Variants in SLC22A25 observed in about 807,000 individuals in gnomAD.
SLC22A25 encodes the protein MGI:2442751, MGI:2385316, MGI:3042283, MGI:3645714, MGI:3605624, MGI:2442750.
In SLC22A25, 44 loss-of-function variants were observed where a neutral mutation model predicts 45.9. The ratio of observed to expected loss-of-function variants is 0.96; its 90% confidence interval spans 0.75 to 1.23. The LOEUF (loss-of-function observed/expected upper bound fraction) is 1.23. SLC22A25 is among the 50% of genes most tolerant of loss of function. The pLI is 0.00. For synonymous variants in SLC22A25, 283 were observed against 238.6 expected (o/e 1.19, Z -1.72); for missense variants, 800 against 666.4 (o/e 1.20, Z -2.21).
chr11:63,237,272 C>G (rs2090180967), intron 3 of SLC22A25, among the ~76,000 whole-genome samples: 2 of 151,960 alleles, frequency 1.3e-5, no homozygotes, highest in South Asian at 4.2e-4. Flanking sequence ...TATAATATAC[C>G]CATAACAAAC....
Position 63,180,638 on chromosome 11 carries a change from TCA to T in SLC22A25, c.1070+20_1070+21del. ...TATGTCTCCTCTATTTTAACATTCC[TCA>T]CACACTGCATGAAACTTACCTCACA... On this transcript the variant is annotated intron_variant, in intron 9 of 11. Coordinates refer to ENST00000306494, the MANE Select transcript of SLC22A25 (RefSeq NM_199352.6). The T allele has an allele frequency of 6.5e-7, 1 of 1,539,444 alleles. No homozygotes were observed. The highest frequency in any genetic ancestry group is 1.2e-5 in the South Asian group (1 of 86,350).
intron 7 of SLC22A25, among the ~76,000 whole-genome samples, chr11:63,210,335 G>C (rs73499794): frequency 0.022 from 3,310 of 152,314 alleles, 121 homozygotes; most frequent in African/African-American, 0.075. Context: ...ATTTATAGCT[G>C]CTGCACTAGC....
At chr11:63,203,262 A>G (rs1238553799) in intron 7 of SLC22A25, among the ~76,000 whole-genome samples, 1 of 152,130 alleles carries the variant, frequency 6.6e-6, no homozygotes, top group Non-Finnish European at 1.5e-5. Flanking sequence ...CCAAAGGATC[A>G]CAACTCCTTG....
At chr11:63,189,936 C>T (rs1284748830) in intron 7 of SLC22A25, among the ~76,000 whole-genome samples, 1 of 152,214 alleles carries the variant, frequency 6.6e-6, no homozygotes, top group African/African-American at 2.4e-5. Flanking sequence ...ATGGGCTTCC[C>T]TTTGTGGGTA....
At chr11:63,212,302 C>T (rs889552829) in intron 7 of SLC22A25, among the ~76,000 whole-genome samples, 23 of 151,988 alleles carry the variant, frequency 1.5e-4, no homozygotes, top group Admixed American at 5.9e-4. Flanking sequence ...TTTGACCCAG[C>T]CATCCCATTA....
intron 7 of SLC22A25, among the ~76,000 whole-genome samples, chr11:63,190,763 A>T (rs1184155183): frequency 3.3e-5 from 5 of 151,694 alleles, no homozygotes; most frequent in Non-Finnish European, 7.4e-5. Flanking sequence ...TTTCCTTCTA[A>T]CAGTCAGGAC....
intron 7 of SLC22A25, among the ~76,000 whole-genome samples, chr11:63,188,749 T>C (rs1353425303): frequency 6.6e-6 from 1 of 152,216 alleles, no homozygotes; most frequent in Non-Finnish European, 1.5e-5. Flanking sequence ...TGTTGTGTCT[T>C]TGTTCTCGTT....
intron 7 of SLC22A25, among the ~76,000 whole-genome samples, chr11:63,203,061 A>AGG (rs1423319760): frequency 6.6e-6 from 1 of 152,208 alleles, no homozygotes; most frequent in Non-Finnish European, 1.5e-5. Context: ...CCTGCGGCAG[A>AGG]GGGGCCTGAT....
intron 5 of SLC22A25, among the ~76,000 whole-genome samples, chr11:63,221,437 T>C (rs1247285955): frequency 6.6e-6 from 1 of 152,160 alleles, no homozygotes; most frequent in African/African-American, 2.4e-5. Flanking sequence ...TTTTGAGAAA[T>C]GTCTCTTCAG....
chr11:63,187,548 C>A (rs961653696), intron 7 of SLC22A25, among the ~76,000 whole-genome samples: 5 of 152,154 alleles, frequency 3.3e-5, no homozygotes, highest in African/African-American at 1.2e-4. Context: ...CCTTCTCCTG[C>A]CTGATTGCCC....
At chr11:63,223,207 C>T (rs2089889870) in intron 5 of SLC22A25, among the ~76,000 whole-genome samples, 1 of 151,852 alleles carries the variant, frequency 6.6e-6, no homozygotes, top group Admixed American at 6.6e-5. Flanking sequence ...ATTCGTATGA[C>T]TTCTTTAAAT....
chr11:63,233,789 C>T (rs1228849921), intron 3 of SLC22A25, among the ~76,000 whole-genome samples: 1 of 152,150 alleles, frequency 6.6e-6, no homozygotes, highest in Non-Finnish European at 1.5e-5. Flanking sequence ...ATAAATTTCC[C>T]TCTACACACT....
At position 63,228,492 on chromosome 11, in the gene SLC22A25, C is replaced by G. The variant is rs761052228; in HGVS notation, c.475G>C (p.Gly159Arg). 1.2e-6 allele frequency: 2 copies of G among 1,613,780 alleles called. No homozygotes were observed. Among genetic ancestry groups the G allele is most frequent in the Non-Finnish European group, 1.7e-6 (2 of 1,179,848 alleles). ...GACAAATGGCCATATAGGTTGCCTC[C>G]CACCATCATTCCAGCCATGAATAGA... ...KFLFMAGMMV[G>R]GNLYGHLSDR... Residue 159 changes from glycine to arginine, a missense_variant, in exon 5 of 12, where the codon GGA becomes CGA. By Grantham distance (125) the Gly-to-Arg change is moderately radical (BLOSUM62 -2). Transcript: ENST00000306494.
At chr11:63,179,807 G>A (rs2088252930) in intron 9 of SLC22A25, among the ~76,000 whole-genome samples, 2 of 152,152 alleles carry the variant, frequency 1.3e-5, no homozygotes, top group Non-Finnish European at 2.9e-5. Flanking sequence ...AGCTGTGTGA[G>A]TCACAGCTTT....
At chr11:63,168,438 T>G (rs112248111) in intron 9 of SLC22A25, among the ~76,000 whole-genome samples, 2,707 of 152,248 alleles carry the variant, frequency 0.018, 69 homozygotes, top group African/African-American at 0.049. Flanking sequence ...TTGCAGGAAC[T>G]GCTAACTAGT....
At chr11:63,173,785 C>T (rs993702593) in intron 9 of SLC22A25, among the ~76,000 whole-genome samples, 1 of 152,100 alleles carries the variant, frequency 6.6e-6, no homozygotes, top group Non-Finnish European at 1.5e-5. Flanking sequence ...GTGATCCTTA[C>T]CCAGGATCTG....
intron 7 of SLC22A25, chr11:63,208,161 G>C (rs1052148227): frequency 6.6e-6 from 1 of 152,264 alleles, no homozygotes; most frequent in African/African-American, 2.4e-5. Flanking sequence ...TGGCATCCAA[G>C]GCATACCATG....
In SLC22A25 at chr11:63,161,016, G is replaced by A. The variant is rs981720802; in HGVS notation, c.*2808C>T. ...TGTATTAGTCCATTTTCAAGCTGCT[G>A]ATAAAGACATACCTGAGACTGGATA... On this transcript the variant is annotated 3_prime_UTR_variant, in exon 12 of 12. Transcript: ENST00000306494. Among the ~76,000 whole-genome samples, 2 of 152,168 alleles carry A rather than the reference G, an allele frequency of 1.3e-5. No homozygotes were observed. Among genetic ancestry groups the A allele is most frequent in the Non-Finnish European group, 2.9e-5 (2 of 68,024 alleles).
intron 7 of SLC22A25, among the ~76,000 whole-genome samples, chr11:63,186,464 A>G (rs1459293404): frequency 6.7e-6 from 1 of 150,142 alleles, no homozygotes; most frequent in African/African-American, 2.4e-5. Flanking sequence ...AGATGAGTAG[A>G]TTGCAAAAAT....
Sources: allele counts gnomAD v4.1 joint callset (sites outside exome capture counted in the v4.1 genomes callset), GRCh38; gene constraint gnomAD v4.1.1; transcripts MANE v1.5; gene names NCBI Gene and HGNC (gene_info 2026-07-23, HGNC 2026-07-21).